Variants in MVB12B observed in about 807,000 individuals in gnomAD.
MVB12B encodes multivesicular body subunit 12B.
MVB12B carries 16 observed loss-of-function variants against 41.6 expected under a neutral mutation model. The observed-to-expected ratio is 0.38, with a 90% CI of 0.26 to 0.58. The LOEUF is 0.58. MVB12B is among the 20% of genes least tolerant of loss of function. MVB12B has a pLI of 0.62. For synonymous variants in MVB12B, 133 were observed against 139.7 expected (o/e 0.95, Z 0.34); for missense variants, 274 against 380.2 (o/e 0.72, Z 2.32).
chr9:126,352,731 G>GA (rs1402673107), intron 2 of MVB12B, among the ~76,000 whole-genome samples: 1 of 152,142 alleles, frequency 6.6e-6, no homozygotes, highest in Non-Finnish European at 1.5e-5. Flanking sequence ...GAAGATTAGG[G>GA]AAAAGTATAT....
Position 126,340,634 on chromosome 9 carries a change from A to C in MVB12B, c.204+4A>C, listed in dbSNP as rs1283603396. 1 of 1,613,754 alleles carries C rather than the reference A, an allele frequency of 6.2e-7. No homozygotes were observed. Among genetic ancestry groups the C allele is most frequent in the African/African-American group, 1.3e-5 (1 of 74,926 alleles). On this transcript the variant is annotated splice_donor_region_variant and intron_variant, in intron 2 of 9. Coordinates refer to ENST00000361171, the MANE Select transcript of MVB12B (RefSeq NM_033446.3). This position sits in a 1 kb window ranked among gnomAD's most constrained non-coding sequence, Gnocchi z 4.0. ...AGCCCCGACAGGCTATGACGTAGTA[A>C]GTCAAGATACTAGTTTGTACATTTT...
At chr9:126,440,254 A>G (rs1832597666) in intron 7 of MVB12B, among the ~76,000 whole-genome samples, 1 of 152,066 alleles carries the variant, frequency 6.6e-6, no homozygotes, top group African/African-American at 2.4e-5. Context: ...TTCTCCCCCA[A>G]ACTGTGCACA....
intron 7 of MVB12B, among the ~76,000 whole-genome samples, chr9:126,476,142 T>C (rs1191099626): frequency 8.4e-6 from 1 of 118,716 alleles, no homozygotes; most frequent in Non-Finnish European, 2.1e-5. Flanking sequence ...ATTTCAGGAA[T>C]GCGTCTTCCT....
intron 9 of MVB12B, among the ~76,000 whole-genome samples, chr9:126,487,781 A>AAT (rs1554786004): frequency 2.0e-5 from 3 of 149,316 alleles, no homozygotes; most frequent in Non-Finnish European, 2.9e-5. Context: ...AAAAAAAAAA[A>AAT]AATAACAAAA....
intron 7 of MVB12B, among the ~76,000 whole-genome samples, chr9:126,426,481 C>G (rs1446851962): frequency 6.6e-6 from 1 of 152,130 alleles, no homozygotes; most frequent in Non-Finnish European, 1.5e-5. Flanking sequence ...CCTGAGTTTC[C>G]TGGTCAGGAC....
intron 1 of MVB12B, among the ~76,000 whole-genome samples, chr9:126,337,963 C>G (rs73670803): frequency 3.9e-5 from 6 of 152,204 alleles, no homozygotes; most frequent in African/African-American, 1.2e-4. Flanking sequence ...ATTGAAGTGC[C>G]GGTAGAGACG....
At chr9:126,353,405 G>A (rs1829804067) in intron 2 of MVB12B, among the ~76,000 whole-genome samples, 1 of 152,132 alleles carries the variant, frequency 6.6e-6, no homozygotes, top group Non-Finnish European at 1.5e-5. Context: ...CCACAAATCT[G>A]CAAATACCTA....
At chr9:126,398,371 T>C (rs1039723922) in intron 6 of MVB12B, among the ~76,000 whole-genome samples, 5 of 151,994 alleles carry the variant, frequency 3.3e-5, no homozygotes, top group Admixed American at 6.5e-5. Flanking sequence ...ACTGCGCGGG[T>C]CTTTTCCTAT....
chr9:126,506,787 G>C lies in MVB12B; in HGVS notation c.*3524G>C, dbSNP rs1834081897. The C allele has an allele frequency of 6.6e-6, 1 of 152,318 alleles. No individual in the cohort carries two copies. Among genetic ancestry groups the C allele is most frequent in the Non-Finnish European group, 1.5e-5 (1 of 68,060 alleles). 9.4% of individuals were successfully genotyped at this position (152,318 alleles called of 1,614,324 possible). A position where few individuals can be genotyped will look rare whatever the true frequency, so the allele number is the denominator to read the frequency against. ...CTGCTTGGGCTGCCTGGCACCCTCA[G>C]GGTGGCCCGGCCTCCTCCTGCCACT... On this transcript the variant is annotated 3_prime_UTR_variant, in exon 10 of 10. Transcript: ENST00000361171.
intron 2 of MVB12B, among the ~76,000 whole-genome samples, chr9:126,371,177 G>A (rs567483572): frequency 6.6e-6 from 1 of 152,262 alleles, no homozygotes; most frequent in South Asian, 2.1e-4. Context: ...CCTGGGTGCC[G>A]ACCAGCCGCA....
intron 5 of MVB12B, among the ~76,000 whole-genome samples, chr9:126,393,567 G>C (rs1831019423): frequency 6.6e-6 from 1 of 152,230 alleles, no homozygotes; most frequent in Admixed American, 6.5e-5. Context: ...CAGGAAGTAG[G>C]ATCAGCTCCA....
chr9:126,441,000 C>T (rs749574943), intron 7 of MVB12B, among the ~76,000 whole-genome samples: 5 of 152,162 alleles, frequency 3.3e-5, no homozygotes, highest in East Asian at 3.8e-4. Flanking sequence ...ATGATGAATG[C>T]GGCGAGGCCT....
chr9:126,430,305 C>T (rs1832296333), intron 7 of MVB12B, among the ~76,000 whole-genome samples: 2 of 152,154 alleles, frequency 1.3e-5, no homozygotes, highest in South Asian at 2.1e-4. Context: ...CAGCCTGGGT[C>T]GCTCCCTGCG....
rs1197986238 is a variant in MVB12B at position 126,480,205 on chromosome 9, G to T, written c.758-1164G>T. ...AGGGTGCGGCCACCCCTGACTTCGG[G>T]GCTCCGCGTCCCTGCACTCATGACC... On this transcript the variant is annotated intron_variant, in intron 7 of 9. Transcript: ENST00000361171. This position sits in a 1 kb window ranked among gnomAD's most constrained non-coding sequence, Gnocchi z 4.9. 6.6e-6 allele frequency among the ~76,000 whole-genome samples: 1 copy of T among 152,172 alleles called. No homozygotes were observed. The highest frequency in any genetic ancestry group is 1.9e-4 in the East Asian group (1 of 5,184).
intron 6 of MVB12B, 139 bp from the exon 7 acceptor site, chr9:126,421,715 T>A (rs976599780): frequency 5.8e-6 from 4 of 686,960 alleles, no homozygotes; most frequent in African/African-American, 5.4e-5. Context: ...TATGCTTGAT[T>A]GAGAAGGAGG....
At chr9:126,328,957 AT>A (rs1460682505) in intron 1 of MVB12B, among the ~76,000 whole-genome samples, 1 of 151,782 alleles carries the variant, frequency 6.6e-6, no homozygotes, top group Non-Finnish European at 1.5e-5. Context: ...AATTATTATT[AT>A]TTTTAGTAGA....
chr9:126,375,364 T>C (rs1022103949), intron 2 of MVB12B, among the ~76,000 whole-genome samples: 1 of 2,520 alleles, frequency 4.0e-4, no homozygotes, highest in African/African-American at 1.2e-3. Flanking sequence ...AAATTGATTC[T>C]TTTTTTTTTT....
At chr9:126,383,757 T>C (rs535320448) in intron 3 of MVB12B, among the ~76,000 whole-genome samples, 1 of 152,058 alleles carries the variant, frequency 6.6e-6, no homozygotes, top group South Asian at 2.1e-4. Flanking sequence ...TTAAACCCAG[T>C]ACAGTGGCAG....
rs1834075774 is a variant in MVB12B, at chr9:126,506,520, G to T, written c.*3257G>T. 6.6e-6 allele frequency: 1 copy of T among 152,318 alleles called. No homozygotes were observed. Among genetic ancestry groups the T allele is most frequent in the Admixed American group, 6.5e-5 (1 of 15,290 alleles). The allele number at this position is 152,318 out of a possible 1,614,324, so 9.4% of individuals were successfully genotyped here. ...CAGTGGGCGCAGAGCATGGTCAGGA[G>T]TGGCCTGCCCGTACTCCTCCACCCA... On this transcript the variant is annotated 3_prime_UTR_variant, in exon 10 of 10. Coordinates refer to ENST00000361171, the MANE Select transcript of MVB12B (RefSeq NM_033446.3).
Sources: allele counts gnomAD v4.1 joint callset (sites outside exome capture counted in the v4.1 genomes callset), GRCh38; gene constraint gnomAD v4.1.1; non-coding constraint Gnocchi (gnomAD v3.1); transcripts MANE v1.5; gene names NCBI Gene and HGNC (gene_info 2026-07-23, HGNC 2026-07-21).